VDAC1: variants seen among roughly 807,000 people sequenced by gnomAD.
VDAC1 encodes the protein non-selective voltage-gated ion channel VDAC1.
VDAC1 carries 10 observed loss-of-function variants against 34.7 expected under a neutral mutation model. The ratio of observed to expected loss-of-function variants is 0.29; its 90% confidence interval spans 0.18 to 0.49. VDAC1 has a LOEUF of 0.49. Among genes scored for constraint, VDAC1 ranks in the 20% least tolerant of loss-of-function variants. The probability of loss-of-function intolerance (pLI) is 0.99; values close to 1 mark genes in which losing one functional copy is unlikely to be tolerated. For missense variants in VDAC1, 230 were observed against 347.9 expected, an observed-to-expected ratio of 0.66 and a Z score of 2.69; for synonymous variants, 130 against 136.0, an observed-to-expected ratio of 0.96 and a Z score of 0.30.
chr5:134,105,561 C>T, the VDAC1 span, among the ~76,000 whole-genome samples: 1 of 152,254 alleles, frequency 6.6e-6, no homozygotes, highest in Non-Finnish European at 1.5e-5. Flanking sequence ...GAGGTATTTA[C>T]TGGATATCTG....
the VDAC1 span, among the ~76,000 whole-genome samples, chr5:134,077,276 CAAAA>C: frequency 0.12 from 12,428 of 101,036 alleles, 656 homozygotes; most frequent in South Asian, 0.21. Flanking sequence ...GACTCCATCT[CAAAA>C]AAAAAAAAAA....
chr5:133,989,755 C>G (rs928690078), intron 5 of VDAC1, among the ~76,000 whole-genome samples: 1 of 150,952 alleles, frequency 6.6e-6, no homozygotes, highest in Admixed American at 6.6e-5. Flanking sequence ...CTCTGCCTCC[C>G]AGGTTCAAGC....
At chr5:134,097,826 G>T in the VDAC1 span, among the ~76,000 whole-genome samples, 36 of 152,138 alleles carry the variant, frequency 2.4e-4, no homozygotes, top group Non-Finnish European at 7.4e-5. Flanking sequence ...GACCCTCACA[G>T]TACAAGTCTT....
chr5:134,075,047 T>C, the VDAC1 span, among the ~76,000 whole-genome samples: 1 of 152,144 alleles, frequency 6.6e-6, no homozygotes, highest in African/African-American at 2.4e-5. Context: ...TTTCATACAC[T>C]ATGCACACAG....
the VDAC1 span, among the ~76,000 whole-genome samples, chr5:134,090,750 T>G: frequency 3.9e-5 from 6 of 152,170 alleles, no homozygotes; most frequent in African/African-American, 1.4e-4. Flanking sequence ...AAATATGGTG[T>G]TTTTGTCAGA....
chr5:134,009,502 C>T (rs139013226), upstream of VDAC1, among the ~76,000 whole-genome samples: 1,476 of 151,214 alleles, frequency 9.8e-3, 23 homozygotes, highest in African/African-American at 0.034. Context: ...TGTGATCTGC[C>T]GGCCTCCGCC....
chr5:134,085,915 G>C, the VDAC1 span, among the ~76,000 whole-genome samples: 5 of 151,536 alleles, frequency 3.3e-5, no homozygotes, highest in Non-Finnish European at 7.4e-5. Flanking sequence ...TAAAAAGGCT[G>C]GGTGCAGTGG....
the VDAC1 span, among the ~76,000 whole-genome samples, chr5:134,088,662 T>C: frequency 6.6e-6 from 1 of 152,232 alleles, no homozygotes; most frequent in African/African-American, 2.4e-5. Context: ...TAATGAATTA[T>C]GACAAAGTGA....
intron 3 of VDAC1, 109 bp from the exon 4 acceptor site, chr5:133,991,263 G>A (rs987816129): frequency 1.4e-6 from 2 of 1,387,758 alleles, no homozygotes; most frequent in African/African-American, 1.4e-5. Flanking sequence ...CCCTGAATGT[G>A]GGGGGGCCAA....
At chr5:134,017,748 C>T in the VDAC1 span, among the ~76,000 whole-genome samples, 1 of 151,888 alleles carries the variant, frequency 6.6e-6, no homozygotes, top group Non-Finnish European at 1.5e-5. Context: ...CCCGTCTCTA[C>T]TAAAAATACA....
chr5:134,054,147 C>T, the VDAC1 span, among the ~76,000 whole-genome samples: 3 of 152,172 alleles, frequency 2.0e-5, no homozygotes, highest in Non-Finnish European at 2.9e-5. Flanking sequence ...TTAATTAAGT[C>T]GGTTCTAAAT....
intron 1 of VDAC1, among the ~76,000 whole-genome samples, chr5:133,994,219 T>C (rs1367557492): frequency 1.6e-4 from 24 of 152,202 alleles, no homozygotes; most frequent in Admixed American, 5.2e-4. Context: ...TTCAAAGGCA[T>C]TGCAGGAGGC....
At chr5:134,092,503 C>G in the VDAC1 span, among the ~76,000 whole-genome samples, 1 of 152,016 alleles carries the variant, frequency 6.6e-6, no homozygotes, top group East Asian at 1.9e-4. Context: ...GGGGTAGTGT[C>G]TTGACATTTC....
chr5:134,088,598 T>C, the VDAC1 span, among the ~76,000 whole-genome samples: 1 of 152,206 alleles, frequency 6.6e-6, no homozygotes, highest in African/African-American at 2.4e-5. Flanking sequence ...TAACCCTTTT[T>C]ATTGTGAAAA....
chr5:134,015,707 C>A, the VDAC1 span, among the ~76,000 whole-genome samples: 1 of 151,900 alleles, frequency 6.6e-6, no homozygotes, highest in African/African-American at 2.4e-5. Flanking sequence ...TGCAATGGCA[C>A]CATCTCAGCT....
the VDAC1 span, among the ~76,000 whole-genome samples, chr5:134,068,435 T>C: frequency 5.6e-4 from 85 of 151,240 alleles, no homozygotes; most frequent in Middle Eastern, 3.4e-3. Flanking sequence ...GTCTGAAACG[T>C]CATTATTTTG....
the VDAC1 span, among the ~76,000 whole-genome samples, chr5:134,109,770 C>CAAAAAAAAAAAAAAAAAA: frequency 1.8e-4 from 25 of 140,306 alleles, no homozygotes; most frequent in African/African-American, 7.0e-4. Context: ...GGCTCCATCT[C>CAAAAAAAAAAAAAAAAAA]AAAAAAAAAA....
the VDAC1 span, among the ~76,000 whole-genome samples, chr5:134,093,562 A>G: frequency 6.6e-6 from 1 of 152,200 alleles, no homozygotes; most frequent in Non-Finnish European, 1.5e-5. Flanking sequence ...CAGACCTGTA[A>G]TTTCCTGGCT....
chr5:134,029,420 G>T, the VDAC1 span, among the ~76,000 whole-genome samples: 82 of 152,314 alleles, frequency 5.4e-4, 2 homozygotes, highest in African/African-American at 1.9e-3. Flanking sequence ...TCTGTATTTT[G>T]TCACACTGTT....
Sources: allele counts gnomAD v4.1 joint callset (sites outside exome capture counted in the v4.1 genomes callset), GRCh38; gene constraint gnomAD v4.1.1; transcripts MANE v1.5; gene names NCBI Gene and HGNC (gene_info 2026-07-23, HGNC 2026-07-21).